The following SLC1A7 variants were observed in gnomAD, a reference collection of about 807,000 sequenced individuals.
SLC1A7 encodes the protein excitatory amino acid transporter 5.
In SLC1A7, 40 loss-of-function variants were observed where a neutral mutation model predicts 47.7. The observed-to-expected ratio is 0.84, with a 90% CI of 0.65 to 1.09. SLC1A7 has a LOEUF of 1.09. Among genes scored for constraint, SLC1A7 ranks in the 50% least tolerant of loss-of-function variants. SLC1A7 has a pLI of 0.00. For synonymous variants in SLC1A7, 323 were observed against 325.6 expected, an observed-to-expected ratio of 0.99 and a Z score of 0.09; for missense variants, 746 against 769.5, an observed-to-expected ratio of 0.97 and a Z score of 0.36.
chr1:53,107,419 G>C (rs1274285553), intron 3 of SLC1A7, among the ~76,000 whole-genome samples: 1 of 152,160 alleles, frequency 6.6e-6, no homozygotes, highest in Non-Finnish European at 1.5e-5. Context: ...TAATAGTGTT[G>C]TACCAATTTA....
intron 5 of SLC1A7, among the ~76,000 whole-genome samples, chr1:53,097,504 CGGTACACTCACACACCCTGCCTT>C (rs1644510920): frequency 6.6e-6 from 1 of 150,636 alleles, no homozygotes; most frequent in Non-Finnish European, 1.5e-5. Flanking sequence ...CACCCCACCT[CGGTACACTCACACACCCTGCCTT>C]GGTACAATCA....
At chr1:53,112,251 C>T (rs753500968) in intron 3 of SLC1A7, among the ~76,000 whole-genome samples, 7 of 152,314 alleles carry the variant, frequency 4.6e-5, no homozygotes, top group Middle Eastern at 3.4e-3. Context: ...GGAATCCTGT[C>T]GCCACCATGA....
intron 2 of SLC1A7, among the ~76,000 whole-genome samples, chr1:53,130,134 GT>G (rs1456954109): frequency 6.6e-6 from 1 of 152,364 alleles, no homozygotes; most frequent in South Asian, 2.1e-4. Flanking sequence ...CACACACAGC[GT>G]CAGCATTGGA....
chr1:53,103,441 T>A lies in SLC1A7; in HGVS notation c.602A>T (p.Asp201Val). Residue 201 changes from aspartate to valine, a missense_variant, in exon 5 of 11, where the codon GAC becomes GTC. Coordinates refer to ENST00000371494, the MANE Select transcript of SLC1A7 (RefSeq NM_006671.6). Reference sequence around the variant, plus strand: ...AACGACCTCGGGCGGCGGGGTCAGGTCCAGGGCGAAGTTCTGCACATGGGA... The same window carrying A: ...AACGACCTCGGGCGGCGGGGTCAGGACCAGGGCGAAGTTCTGCACATGGGA... ...NGSHVQNFALDLTPPPEVVYK... is the reference protein window; with the variant it reads ...NGSHVQNFALVLTPPPEVVYK... 1 of 1,612,498 alleles carries A rather than the reference T, an allele frequency of 6.2e-7. No homozygotes were observed. The highest frequency in any genetic ancestry group is 8.5e-7 in the Non-Finnish European group (1 of 1,179,590).
At chr1:53,142,166 A>T in intron 1 of SLC1A7, 149 bp downstream of exon 1, 1 of 859,172 alleles carries the variant, frequency 1.2e-6, no homozygotes, top group Non-Finnish European at 1.7e-6. Context: ...CACCCATGTT[A>T]CAGATGAGAA....
intron 2 of SLC1A7, among the ~76,000 whole-genome samples, chr1:53,131,733 C>T (rs1345245558): frequency 6.6e-6 from 1 of 152,228 alleles, no homozygotes; most frequent in African/African-American, 2.4e-5. Flanking sequence ...TGGCACTTGG[C>T]TAGGTGCTGA....
At chr1:53,126,994 C>G (rs1275053285) in intron 2 of SLC1A7, among the ~76,000 whole-genome samples, 4 of 150,796 alleles carry the variant, frequency 2.7e-5, no homozygotes, top group Non-Finnish European at 4.4e-5. Flanking sequence ...TCCCAAGTAG[C>G]CAGGACTACA....
chr1:53,138,040 C>G (rs1645018717), intron 1 of SLC1A7, among the ~76,000 whole-genome samples: 1 of 152,098 alleles, frequency 6.6e-6, no homozygotes, highest in East Asian at 1.9e-4. Flanking sequence ...AGTAAAAATG[C>G]CTTTATTCTA....
Position 53,090,823 on chromosome 1 carries a change from C to A in SLC1A7, c.1032-17G>T. ...GTGGCTGAGCTACGGTTAGAGGGGC[C>A]GGTGTCTGCCCAGCACCCTCCTCCA... On this transcript the variant is annotated splice_polypyrimidine_tract_variant and intron_variant, in intron 7 of 10. Transcript: ENST00000371494. The A allele has an allele frequency of 5.0e-6, 8 of 1,596,082 alleles. No individual in the cohort carries two copies. Among genetic ancestry groups the A allele is most frequent in the Non-Finnish European group, 6.8e-6 (8 of 1,171,390 alleles).
chr1:53,139,680 C>A (rs1645036737), intron 1 of SLC1A7, among the ~76,000 whole-genome samples: 1 of 152,240 alleles, frequency 6.6e-6, no homozygotes, highest in African/African-American at 2.4e-5. Context: ...CTTCCACAGA[C>A]TAAGATTCCA....
intron 2 of SLC1A7, among the ~76,000 whole-genome samples, chr1:53,119,954 G>A (rs1320003278): frequency 1.3e-5 from 2 of 152,196 alleles, no homozygotes; most frequent in East Asian, 1.9e-4. Flanking sequence ...GGGAGCACCT[G>A]CGGTGTTTGA....
intron 1 of SLC1A7, among the ~76,000 whole-genome samples, chr1:53,137,243 C>T (rs1003756156): frequency 2.1e-5 from 3 of 145,798 alleles, no homozygotes; most frequent in Non-Finnish European, 4.5e-5. Flanking sequence ...GCTAAGATCG[C>T]ACCACTGCAC....
chr1:53,124,910 T>G (rs1045240873), intron 2 of SLC1A7, among the ~76,000 whole-genome samples: 1 of 152,230 alleles, frequency 6.6e-6, no homozygotes, highest in African/African-American at 2.4e-5. Flanking sequence ...GAAATTCTTA[T>G]GACATCACAT....
At chr1:53,096,212 A>G (rs1320272617) in intron 5 of SLC1A7, among the ~76,000 whole-genome samples, 4 of 141,560 alleles carry the variant, frequency 2.8e-5, no homozygotes, top group Admixed American at 1.4e-4. Flanking sequence ...TCACGCGCCT[A>G]GCCTCGATAC....
intron 1 of SLC1A7, among the ~76,000 whole-genome samples, chr1:53,136,676 T>A (rs1375878193): frequency 1.1e-4 from 16 of 139,576 alleles, no homozygotes; most frequent in African/African-American, 3.5e-4. Context: ...ATTTTTTTTT[T>A]TTTTTTTTGA....
Position 53,142,563 on chromosome 1 carries a change from G to A in SLC1A7, c.-114C>T. On this transcript the variant is annotated 5_prime_UTR_variant, in exon 1 of 11. Transcript: ENST00000371494. ...GCCCCTCAGCAGGCAGGTGGTCGGA[G>A]TTGCTAAACACCAGTCGCCAGCCCC... 1.6e-6 allele frequency: 2 copies of A among 1,265,966 alleles called. No homozygotes were observed. Among genetic ancestry groups the A allele is most frequent in the Non-Finnish European group, 2.1e-6 (2 of 935,750 alleles). 78.4% of individuals were successfully genotyped at this position (1,265,966 alleles called of 1,614,324 possible).
intron 1 of SLC1A7, among the ~76,000 whole-genome samples, chr1:53,141,904 C>G (rs1345317733): frequency 1.3e-5 from 2 of 152,198 alleles, no homozygotes; most frequent in Non-Finnish European, 1.5e-5. Context: ...GGCCGCTGCA[C>G]CTGGCATCTG....
intron 5 of SLC1A7, among the ~76,000 whole-genome samples, chr1:53,100,555 A>T (rs1415119748): frequency 6.6e-6 from 1 of 150,918 alleles, no homozygotes; most frequent in Non-Finnish European, 1.5e-5. Flanking sequence ...ATACTCACAC[A>T]CACTGCCTCA....
At chr1:53,125,341 G>T (rs1011468062) in intron 2 of SLC1A7, among the ~76,000 whole-genome samples, 6 of 152,214 alleles carry the variant, frequency 3.9e-5, no homozygotes, top group African/African-American at 1.2e-4. Flanking sequence ...GGATGAGAAG[G>T]CAGCACTGTC....
Sources: allele counts gnomAD v4.1 joint callset (sites outside exome capture counted in the v4.1 genomes callset), GRCh38; gene constraint gnomAD v4.1.1; transcripts MANE v1.5; gene names NCBI Gene and HGNC (gene_info 2026-07-23, HGNC 2026-07-21).